Variants in PSMD1 observed in about 807,000 individuals in gnomAD.
PSMD1 encodes 26S proteasome non-ATPase regulatory subunit 1.
PSMD1 carries 18 observed loss-of-function variants against 119.0 expected under a neutral mutation model. The observed-to-expected ratio is 0.15, with a 90% CI of 0.10 to 0.22. The LOEUF (loss-of-function observed/expected upper bound fraction) is 0.22, where lower values mean the gene tolerates loss of function less well. PSMD1 is among the 10% of genes least tolerant of loss of function. The pLI, the probability that PSMD1 is intolerant of heterozygous loss-of-function variation, is 1.00. For synonymous variants in PSMD1, 374 were observed against 396.6 expected (o/e 0.94, Z 0.68); for missense variants, 702 against 1,158.5 (o/e 0.61, Z 5.72).
At chr2:231,136,009 T>G (rs966863476) in intron 16 of PSMD1, among the ~76,000 whole-genome samples, 5 of 152,206 alleles carry the variant, frequency 3.3e-5, no homozygotes, top group Non-Finnish European at 7.3e-5. Context: ...GTCTGGAGTT[T>G]GAGGCTGGAG....
chr2:231,109,193 T>G, intron 16 of PSMD1: 1 of 1,614,188 alleles, frequency 6.2e-7, no homozygotes, highest in South Asian at 1.1e-5. Flanking sequence ...TGTTAGGCGT[T>G]GAGGTGGCTT....
At chr2:231,150,117 G>A (rs140774016) in intron 18 of PSMD1, among the ~76,000 whole-genome samples, 3 of 152,092 alleles carry the variant, frequency 2.0e-5, no homozygotes, top group Admixed American at 6.6e-5. Context: ...AGGCCAAGGC[G>A]GGTGGATCAC....
At chr2:231,136,104 C>T (rs1173084303) in intron 16 of PSMD1, among the ~76,000 whole-genome samples, 1 of 151,978 alleles carries the variant, frequency 6.6e-6, no homozygotes, top group African/African-American at 2.4e-5. Context: ...TTTTAAAATG[C>T]CTTTTTAATA....
At chr2:231,171,718 G>A (rs186581239) in intron 24 of PSMD1, among the ~76,000 whole-genome samples, 17 of 152,016 alleles carry the variant, frequency 1.1e-4, no homozygotes, top group South Asian at 2.1e-4. Flanking sequence ...CACCACACCC[G>A]GCTGATTTTG....
At chr2:231,094,494 C>T (rs1173862503) in intron 16 of PSMD1, among the ~76,000 whole-genome samples, 1 of 152,074 alleles carries the variant, frequency 6.6e-6, no homozygotes, top group South Asian at 2.1e-4. Flanking sequence ...AGGGCTGTTT[C>T]AAGGTTCTGC....
At chr2:231,088,205 A>AC (rs1477562760) in intron 16 of PSMD1, among the ~76,000 whole-genome samples, 5 of 152,324 alleles carry the variant, frequency 3.3e-5, no homozygotes, top group Admixed American at 3.3e-4. Flanking sequence ...GTGTGTATTA[A>AC]TAATGGTAAT....
intron 16 of PSMD1, among the ~76,000 whole-genome samples, chr2:231,105,376 T>G (rs923329675): frequency 2.0e-5 from 3 of 152,206 alleles, no homozygotes; most frequent in African/African-American, 7.2e-5. Context: ...TAACAACTTA[T>G]GCAGTACTGT....
At chr2:231,081,585 C>T in intron 12 of PSMD1, among the ~76,000 whole-genome samples, 1 of 152,158 alleles carries the variant, frequency 6.6e-6, no homozygotes, top group East Asian at 1.9e-4. Flanking sequence ...AAAGAAGGAG[C>T]ATTGTATTGC....
intron 17 of PSMD1, 112 bp from the exon 18 acceptor site, chr2:231,146,128 A>G (rs1453665080): frequency 2.4e-5 from 17 of 694,526 alleles, no homozygotes; most frequent in Admixed American, 8.6e-5. Context: ...CTACCATCAT[A>G]TATGCAGTGT....
chr2:231,129,187 A>AT (rs1695797651), intron 16 of PSMD1, among the ~76,000 whole-genome samples: 1 of 152,236 alleles, frequency 6.6e-6, no homozygotes, highest in Non-Finnish European at 1.5e-5. Flanking sequence ...ATTTATGTTG[A>AT]TTACTATAAA....
chr2:231,066,963 G>C lies in PSMD1; in HGVS notation c.362G>C (p.Gly121Ala). The C allele has an allele frequency of 6.2e-7, 1 of 1,612,784 alleles. No individual in the cohort carries two copies. Among genetic ancestry groups the C allele is most frequent in the Non-Finnish European group, 8.5e-7 (1 of 1,179,518 alleles). Residue 121 changes from glycine to alanine, a missense_variant, in exon 5 of 25, where the codon GGA becomes GCA. Physicochemically the swap from Gly to Ala is moderately conservative, Grantham distance 60. Transcript: ENST00000308696. ...QCVENADLPE[G>A]EKKPIDQRLE... is the part of the protein sequence containing the mutation. The stretch of plus-strand genomic sequence containing the variant: ...GTGGAAAATGCAGATTTGCCTGAAG[G>C]AGAAAAAAAACCAATTGACCAGAGA...
intron 16 of PSMD1, among the ~76,000 whole-genome samples, chr2:231,127,274 CAAA>C (rs774471116): frequency 1.7e-5 from 2 of 115,744 alleles, no homozygotes; most frequent in African/African-American, 6.2e-5. Context: ...ACAACAACAA[CAAA>C]AAAAAAAAAA....
At chr2:231,095,481 G>T (rs543671046) in intron 16 of PSMD1, among the ~76,000 whole-genome samples, 1 of 152,072 alleles carries the variant, frequency 6.6e-6, no homozygotes, top group Non-Finnish European at 1.5e-5. Flanking sequence ...GCCTTTGTTG[G>T]GGCTGCTAGT....
chr2:231,074,316 G>C (rs1302159930), intron 7 of PSMD1, among the ~76,000 whole-genome samples: 5 of 152,052 alleles, frequency 3.3e-5, no homozygotes, highest in Non-Finnish European at 7.4e-5. Flanking sequence ...ATATTGGCCA[G>C]GCTGGTCTCG....
intron 17 of PSMD1, among the ~76,000 whole-genome samples, chr2:231,145,193 G>A (rs1013494878): frequency 6.6e-6 from 1 of 152,182 alleles, no homozygotes; most frequent in African/African-American, 2.4e-5. Context: ...TCTGAGAAAT[G>A]GCAGTTCCGT....
chr2:231,129,987 GGGATTACA>G (rs1167934589), intron 16 of PSMD1, among the ~76,000 whole-genome samples: 1 of 151,946 alleles, frequency 6.6e-6, no homozygotes, highest in Admixed American at 6.6e-5. Flanking sequence ...CCAAGCAGCT[GGGATTACA>G]GGCGCCCACC....
chr2:231,106,372 A>G (rs1694974769), intron 16 of PSMD1, among the ~76,000 whole-genome samples: 1 of 152,194 alleles, frequency 6.6e-6, no homozygotes, highest in Non-Finnish European at 1.5e-5. Context: ...TAATCCCAGC[A>G]CTTTGGGAGG....
At chr2:231,078,791 C>CTTTTTTTTTTTTTTTTTTTTTT (rs748353083) in intron 10 of PSMD1, 44 bp downstream of exon 10, 6 of 342,878 alleles carry the variant, frequency 1.7e-5, no homozygotes, top group Admixed American at 9.0e-5. Flanking sequence ...AAATCTTTTT[C>CTTTTTTTTTTTTTTTTTTTTTT]TTTTTTTTTT....
intron 18 of PSMD1, among the ~76,000 whole-genome samples, chr2:231,152,124 A>G (rs1696390476): frequency 6.6e-6 from 1 of 151,938 alleles, no homozygotes; most frequent in Admixed American, 6.6e-5. Flanking sequence ...CCACGTGAGA[A>G]TTTTTTTAAG....
Sources: gnomAD v4.1 joint callset for allele counts (sites outside exome capture counted in the v4.1 genomes callset) on GRCh38, gnomAD v4.1.1 for gene constraint, MANE v1.5 for transcripts, NCBI Gene and HGNC (gene_info 2026-07-23, HGNC 2026-07-21) for gene names.